The following DAB1 variants were observed in gnomAD, a reference collection of about 807,000 sequenced individuals.
The protein encoded by DAB1 is DAB adaptor protein 1.
In DAB1, 15 loss-of-function variants were observed where a neutral mutation model predicts 64.6. The observed-to-expected ratio is 0.23, with a 90% confidence interval of 0.16 to 0.36. The LOEUF (loss-of-function observed/expected upper bound fraction) is 0.36. DAB1 is among the 10% of genes least tolerant of loss of function. The pLI, the probability that DAB1 is intolerant of heterozygous loss-of-function variation, is 1.00. For synonymous variants in DAB1, 235 were observed against 251.9 expected, an observed-to-expected ratio of 0.93 and a Z score of 0.64; for missense variants, 596 against 706.7, an observed-to-expected ratio of 0.84 and a Z score of 1.78.
At chr1:57,215,032 A>T (rs773756904) in intron 2 of DAB1, among the ~76,000 whole-genome samples, 10 of 152,116 alleles carry the variant, frequency 6.6e-5, no homozygotes, top group Non-Finnish European at 1.0e-4. Flanking sequence ...AAGATTCCAG[A>T]CTGGGAGACA....
intron 7 of DAB1, among the ~76,000 whole-genome samples, chr1:57,605,601 G>T (rs1023225927): frequency 2.0e-5 from 3 of 152,114 alleles, no homozygotes; most frequent in Non-Finnish European, 4.4e-5. Context: ...TTCTTGCCAT[G>T]GACTGTGTTT....
intron 1 of DAB1, among the ~76,000 whole-genome samples, chr1:57,372,361 T>C (rs1007178411): frequency 2.0e-5 from 3 of 152,118 alleles, no homozygotes; most frequent in Non-Finnish European, 4.4e-5. Context: ...GAAGAACTTA[T>C]CTCCAGAAAG....
chr1:57,352,016 C>G (rs1406544598), intron 1 of DAB1, among the ~76,000 whole-genome samples: 1 of 152,094 alleles, frequency 6.6e-6, no homozygotes, highest in African/African-American at 2.4e-5. Context: ...CCTATAATCC[C>G]TTTACATGAA....
chr1:57,984,800 C>T (rs1229538708), intron 5 of DAB1, among the ~76,000 whole-genome samples: 1 of 152,134 alleles, frequency 6.6e-6, no homozygotes, highest in Non-Finnish European at 1.5e-5. Context: ...CAAATGCAGT[C>T]GTCCAACTTG....
chr1:58,527,152 T>C (rs1646364776), intron 2 of DAB1: 2 of 722,570 alleles, frequency 2.8e-6, no homozygotes, highest in East Asian at 2.6e-5. Flanking sequence ...AAAGGGCTAA[T>C]ACAGTCCAAC....
chr1:57,106,257 AC>A (rs10658621), intron 4 of DAB1, among the ~76,000 whole-genome samples: 4,774 of 138,732 alleles, frequency 0.034, 118 homozygotes, highest in Non-Finnish European at 0.049. Context: ...TCCCCCTAAC[AC>A]CCCCCCCCAT....
At chr1:57,799,064 T>C (rs1172555935) in intron 6 of DAB1, among the ~76,000 whole-genome samples, 2 of 152,224 alleles carry the variant, frequency 1.3e-5, no homozygotes, top group African/African-American at 4.8e-5. Flanking sequence ...CTCTGTTAAA[T>C]ACTAGCTGTG....
In DAB1 at chr1:58,157,742, G is replaced by T. The variant is rs574876317; in HGVS notation, n.310-7154C>A. On this transcript the variant is annotated intron_variant and non_coding_transcript_variant, in intron 4 of 20. Coordinates refer to the DAB1 transcript ENST00000485760. ...GACAGGGCCTTAGAAATCACCAGGG[G>T]AGATGATCTGTATCATCTTTTTAGT... 5.9e-5 allele frequency among the ~76,000 whole-genome samples: 9 copies of T among 152,220 alleles called. No homozygotes were observed. The East Asian group carries it at 1.7e-3, about 29-fold the overall frequency.
intron 4 of DAB1, among the ~76,000 whole-genome samples, chr1:58,249,566 A>G (rs1660703757): frequency 6.6e-6 from 1 of 152,122 alleles, no homozygotes; most frequent in Admixed American, 6.5e-5. Flanking sequence ...CCTGGTTTCT[A>G]GATACATAAG....
chr1:57,890,200 C>A (rs1486366537), intron 5 of DAB1, among the ~76,000 whole-genome samples: 1 of 152,000 alleles, frequency 6.6e-6, no homozygotes, highest in Non-Finnish European at 1.5e-5. Flanking sequence ...AGTGTGGAAA[C>A]GAGAGTTTGG....
intron 2 of DAB1, among the ~76,000 whole-genome samples, chr1:57,170,211 C>T (rs1661610782): frequency 6.6e-6 from 1 of 152,070 alleles, no homozygotes. Context: ...GTTTGCCAGG[C>T]TGATCTCGAA....
upstream of DAB1, among the ~76,000 whole-genome samples, chr1:57,426,685 C>T (rs75731322): frequency 0.16 from 24,853 of 151,652 alleles, 2,228 homozygotes; most frequent in African/African-American, 0.23. Flanking sequence ...TTGACCTTCA[C>T]AGCAGCCCAT....
At position 57,153,860 on chromosome 1, in the gene DAB1, C is replaced by T. The variant is rs777249374; in HGVS notation, c.68-8431G>A. Among the ~76,000 whole-genome samples the T allele has an allele frequency of 1.4e-4, 21 of 151,994 alleles. 1 individual carries two copies. In the South Asian group the frequency reaches 1.9e-3, roughly 14 times the overall value. On this transcript the variant is annotated intron_variant, in intron 2 of 14. Coordinates refer to ENST00000371236, the MANE Select transcript of DAB1 (RefSeq NM_001365792.1). Reference sequence around the variant, plus strand: ...TTCACCGTGTTAGCCAGGATGGTCTCGATCTCCTGACCTTGTGATCCACCT... The same window carrying T: ...TTCACCGTGTTAGCCAGGATGGTCTTGATCTCCTGACCTTGTGATCCACCT...
chr1:57,053,390 G>A (rs1267856920), intron 9 of DAB1, among the ~76,000 whole-genome samples: 4 of 151,922 alleles, frequency 2.6e-5, no homozygotes, highest in Non-Finnish European at 4.4e-5. Context: ...TAGGACTACA[G>A]GCATGTATTA....
At chr1:57,490,344 G>T (rs959386966) in intron 7 of DAB1, among the ~76,000 whole-genome samples, 1 of 152,096 alleles carries the variant, frequency 6.6e-6, no homozygotes, top group Non-Finnish European at 1.5e-5. Flanking sequence ...GCTTCTGGAA[G>T]ATCTGAGATC....
intron 4 of DAB1, among the ~76,000 whole-genome samples, chr1:58,233,263 T>C (rs1232017249): frequency 6.6e-6 from 1 of 152,216 alleles, no homozygotes. Context: ...ATTATGCTGA[T>C]AGTTCACATA....
intron 4 of DAB1, among the ~76,000 whole-genome samples, chr1:57,133,656 G>A (rs1340135175): frequency 2.6e-5 from 4 of 151,938 alleles, no homozygotes; most frequent in Non-Finnish European, 5.9e-5. Context: ...TGCTGCAAAG[G>A]GTCTCTTTAA....
At chr1:57,097,128 G>C (rs994113832) in intron 4 of DAB1, among the ~76,000 whole-genome samples, 3 of 152,102 alleles carry the variant, frequency 2.0e-5, no homozygotes, top group Non-Finnish European at 2.9e-5. Context: ...ATAAATGCAT[G>C]GATAGATGAA....
chr1:57,312,442 C>T (rs1674799917), intron 1 of DAB1, among the ~76,000 whole-genome samples: 1 of 151,844 alleles, frequency 6.6e-6, no homozygotes, highest in Admixed American at 6.6e-5. Flanking sequence ...TTCATTTTAC[C>T]ACTGGGGAAA....
Sources: gnomAD v4.1 joint callset for allele counts (sites outside exome capture counted in the v4.1 genomes callset) on GRCh38, gnomAD v4.1.1 for gene constraint, MANE v1.5 for transcripts, NCBI Gene and HGNC (gene_info 2026-07-23, HGNC 2026-07-21) for gene names.